RBMS3: variants seen among roughly 807,000 people sequenced by gnomAD.
RBMS3 encodes the protein RNA binding motif single stranded interacting protein 3.
A neutral mutation model predicts 66.8 loss-of-function variants in RBMS3; 27 were observed. That is an observed-to-expected ratio of 0.40 (90% confidence interval 0.30 to 0.56). The LOEUF is 0.56. Ranked by LOEUF, RBMS3 falls within the 20% of genes least tolerant of loss-of-function variation. The pLI is 0.40. For missense variants in RBMS3, 513 were observed against 549.5 expected, an observed-to-expected ratio of 0.93 and a Z score of 0.66; for synonymous variants, 188 against 183.0, an observed-to-expected ratio of 1.03 and a Z score of -0.22.
At chr3:29,856,754 A>G (rs537254723) in intron 6 of RBMS3, among the ~76,000 whole-genome samples, 2 of 152,266 alleles carry the variant, frequency 1.3e-5, no homozygotes, top group Middle Eastern at 3.4e-3. Context: ...ATTTCTATGC[A>G]TTGTTTTTAC....
intron 1 of RBMS3, among the ~76,000 whole-genome samples, chr3:29,305,074 G>A (rs555241126): frequency 1.8e-4 from 27 of 151,624 alleles, no homozygotes; most frequent in Non-Finnish European, 2.8e-4. Flanking sequence ...GCTCCAATAT[G>A]CCCAGACCTT....
chr3:29,813,384 G>A (rs561614203), intron 6 of RBMS3, among the ~76,000 whole-genome samples: 32 of 152,232 alleles, frequency 2.1e-4, no homozygotes, highest in African/African-American at 7.5e-4. Flanking sequence ...AAGTACTGAT[G>A]CCTGATAAAA....
chr3:29,806,953 G>T (rs531996820), intron 6 of RBMS3, among the ~76,000 whole-genome samples: 13 of 151,824 alleles, frequency 8.6e-5, no homozygotes, highest in African/African-American at 2.2e-4. Flanking sequence ...TATTATAAAC[G>T]TCTGAGTCCT....
chr3:29,395,127 C>T (rs1414605067), intron 1 of RBMS3, among the ~76,000 whole-genome samples: 1 of 152,194 alleles, frequency 6.6e-6, no homozygotes, highest in Non-Finnish European at 1.5e-5. Context: ...TTCAAATCCT[C>T]ATTACCACTT....
intron 4 of RBMS3, among the ~76,000 whole-genome samples, chr3:29,647,961 A>C (rs1380619221): frequency 6.6e-6 from 1 of 152,168 alleles, no homozygotes; most frequent in East Asian, 1.9e-4. Context: ...TTACTGTAAC[A>C]CCATATATGA....
Position 30,009,415 on chromosome 3 carries a change from TTA to T in RBMS3, c.*5557_*5558del, listed in dbSNP as rs751796541. 2 of 152,264 alleles carry T rather than the reference TTA, an allele frequency of 1.3e-5. No homozygotes were observed. The highest frequency in any genetic ancestry group is 2.9e-5 in the Non-Finnish European group (2 of 67,994). The allele number at this position is 152,264 out of a possible 1,614,324, so 9.4% of individuals were successfully genotyped here. A position where few individuals can be genotyped will look rare whatever the true frequency, so the allele number is the denominator to read the frequency against. ...CATTGGTAAAATTAATATCAGTACA[TTA>T]TATGTCATAAATTTTGATTATCTAT... is the stretch of plus-strand genomic sequence containing the variant. On this transcript the variant is annotated 3_prime_UTR_variant, in exon 15 of 15. Coordinates refer to ENST00000383767, the MANE Select transcript of RBMS3 (RefSeq NM_001003793.3).
intron 2 of RBMS3, among the ~76,000 whole-genome samples, chr3:29,482,377 C>G (rs527256354): frequency 6.6e-6 from 1 of 152,166 alleles, no homozygotes; most frequent in African/African-American, 2.4e-5. Flanking sequence ...ATTTTTGTGC[C>G]AGATTTACAT....
chr3:29,304,645 C>G (rs973182716), intron 1 of RBMS3, among the ~76,000 whole-genome samples: 1 of 151,946 alleles, frequency 6.6e-6, no homozygotes, highest in African/African-American at 2.4e-5. Context: ...GCACTCTCCA[C>G]AAGAACACCC....
chr3:29,837,071 T>C (rs2058528223), intron 6 of RBMS3, among the ~76,000 whole-genome samples: 1 of 152,032 alleles, frequency 6.6e-6, no homozygotes, highest in African/African-American at 2.4e-5. Context: ...GTCTAAATGG[T>C]GCTGCACTCA....
chr3:29,341,849 C>A (rs1045001959), intron 1 of RBMS3, among the ~76,000 whole-genome samples: 4 of 152,160 alleles, frequency 2.6e-5, no homozygotes, highest in Admixed American at 2.0e-4. Flanking sequence ...AAACTAAAGT[C>A]ATTTTTTATT....
intron 13 of RBMS3, among the ~76,000 whole-genome samples, chr3:29,990,460 C>CAAAAAAAAA (rs10596526): frequency 9.4e-5 from 10 of 106,512 alleles, no homozygotes; most frequent in African/African-American, 1.4e-4. Context: ...CTGTGAGAAA[C>CAAAAAAAAA]AAAAAAAAAA....
intron 4 of RBMS3, among the ~76,000 whole-genome samples, chr3:29,732,156 G>A (rs964962533): frequency 5.9e-5 from 9 of 151,950 alleles, no homozygotes; most frequent in Non-Finnish European, 1.3e-4. Context: ...TCTTCTGTTG[G>A]CAGCTGGAGT....
At chr3:29,560,806 G>A (rs1470946042) in intron 3 of RBMS3, among the ~76,000 whole-genome samples, 1 of 152,078 alleles carries the variant, frequency 6.6e-6, no homozygotes, top group African/African-American at 2.4e-5. Context: ...TTGTGTCATG[G>A]GGGTGTGTTG....
At chr3:29,805,565 T>C (rs1346456699) in intron 6 of RBMS3, among the ~76,000 whole-genome samples, 1 of 152,002 alleles carries the variant, frequency 6.6e-6, no homozygotes. Context: ...GACAGTAATG[T>C]TGATGATCCT....
intron 6 of RBMS3, among the ~76,000 whole-genome samples, chr3:29,826,289 CT>C (rs1384724636): frequency 6.6e-6 from 1 of 152,118 alleles, no homozygotes; most frequent in Non-Finnish European, 1.5e-5. Context: ...CTCATGCTTC[CT>C]CCCATGCAGA....
intron 3 of RBMS3, among the ~76,000 whole-genome samples, chr3:29,578,836 C>T (rs2047221561): frequency 8.6e-6 from 1 of 115,962 alleles, no homozygotes; most frequent in Non-Finnish European, 1.6e-5. Flanking sequence ...GCTCTGTCGC[C>T]CAGGTCGGAC....
At chr3:29,357,208 C>T (rs1397234497) in intron 1 of RBMS3, among the ~76,000 whole-genome samples, 1 of 152,062 alleles carries the variant, frequency 6.6e-6, no homozygotes, top group Non-Finnish European at 1.5e-5. Context: ...AGCCCCCAAC[C>T]CCACAACAGG....
At chr3:29,410,906 C>T (rs1250987583) in intron 1 of RBMS3, among the ~76,000 whole-genome samples, 4 of 149,404 alleles carry the variant, frequency 2.7e-5, no homozygotes, top group South Asian at 4.2e-4. Context: ...GATATTTTGG[C>T]AAGCTTGCCT....
At chr3:29,833,499 G>T (rs183365896) in intron 6 of RBMS3, among the ~76,000 whole-genome samples, 2 of 152,022 alleles carry the variant, frequency 1.3e-5, no homozygotes, top group African/African-American at 4.8e-5. Context: ...AATTATGAGC[G>T]AAACCAACAG....
Sources: allele counts gnomAD v4.1 joint callset (sites outside exome capture counted in the v4.1 genomes callset), GRCh38; gene constraint gnomAD v4.1.1; transcripts MANE v1.5; gene names NCBI Gene and HGNC (gene_info 2026-07-23, HGNC 2026-07-21).